The following NIT1 variants were observed in gnomAD, a reference collection of about 807,000 sequenced individuals.
NIT1 encodes the protein nitrilase 1.
Under a neutral mutation model 36.8 loss-of-function variants are expected in NIT1, and 30 were observed. That is an observed-to-expected ratio of 0.82 (90% CI 0.61 to 1.11). The LOEUF is 1.11. Among genes scored for constraint, NIT1 ranks in the 50% least tolerant of loss-of-function variants. NIT1 has a pLI of 0.00. For missense variants in NIT1, 438 were observed against 410.6 expected, an observed-to-expected ratio of 1.07 and a Z score of -0.58; for synonymous variants, 151 against 155.6, an observed-to-expected ratio of 0.97 and a Z score of 0.22.
chr1:161,121,151 C>G lies in NIT1; in HGVS notation c.*386C>G. The G allele has an allele frequency of 9.4e-7, 1 of 1,063,784 alleles. No homozygotes were observed. 65.9% of individuals were successfully genotyped at this position (1,063,784 alleles called of 1,614,324 possible). The stretch of plus-strand genomic sequence containing the variant: ...TAAGCTCCAGTTCTAGACCTCCTGG[C>G]TCATTCAACATGCCTCCCTACCTAA... On this transcript the variant is annotated 3_prime_UTR_variant, in exon 7 of 7. Coordinates refer to ENST00000368009, the MANE Select transcript of NIT1 (RefSeq NM_005600.3).
Position 161,119,167 on chromosome 1 carries a change from C to T in NIT1, c.132C>T (p.Cys44=). 6.2e-7 allele frequency: 1 copy of T among 1,614,044 alleles called. No individual in the cohort carries two copies. Among genetic ancestry groups the T allele is most frequent in the Non-Finnish European group, 8.5e-7 (1 of 1,180,008 alleles). The change falls in exon 3 of 7, where the codon TGC becomes TGT. Residue 44 remains cysteine (C), a synonymous_variant. Coordinates refer to ENST00000368009, the MANE Select transcript of NIT1 (RefSeq NM_005600.3). The stretch of plus-strand genomic sequence containing the variant: ...CCATGGCTATCTCCTCTTCCTCCTG[C>T]GAACTGCCCCTGGTGGCTGTGTGCC... ...PRAMAISSSS[C]ELPLVAVCQV...
chr1:161,119,007 C>A, intron 2 of NIT1, 126 bp downstream of exon 2: 2 of 1,375,710 alleles, frequency 1.5e-6, no homozygotes, highest in Non-Finnish European at 2.1e-6. Flanking sequence ...AGCCCTGGGT[C>A]AACGTGCCCT....
chr1:161,120,659 T>C lies in NIT1; in HGVS notation c.878T>C (p.Leu293Pro). The C allele has an allele frequency of 6.2e-7, 1 of 1,614,216 alleles. No individual in the cohort carries two copies. The highest frequency in any genetic ancestry group is 1.3e-5 in the African/African-American group (1 of 75,066). Residue 293 changes from leucine (L) to proline (P), a missense_variant, in exon 7 of 7, where the codon CTT (leucine) becomes CCT (proline). Leu to Pro is a moderately conservative substitution (Grantham distance 98). Coordinates refer to ENST00000368009, the MANE Select transcript of NIT1 (RefSeq NM_005600.3). ...ARCSEGPGLC[L>P]ARIDLNYLRQ... ...TGCTCTGAGGGGCCAGGCCTCTGCC[T>C]TGCCCGAATAGACCTCAACTATCTG...
At chr1:161,123,567 T>C (rs1206779835), downstream of NIT1, among the ~76,000 whole-genome samples, 2 of 140,406 alleles carry the variant, frequency 1.4e-5, no homozygotes, top group African/African-American at 5.4e-5. Flanking sequence ...ACCTGGGAAG[T>C]GGGGCTTGCA....
At position 161,118,692 on chromosome 1, in the gene NIT1, A is replaced by G. The variant is rs1415455151; in HGVS notation, c.3-94A>G. On this transcript the variant is annotated intron_variant, in intron 1 of 6. Coordinates refer to ENST00000368009, the MANE Select transcript of NIT1 (RefSeq NM_005600.3). Reference sequence around the variant, plus strand: ...CTAGGTTTTTACTGGCAGGGCCCTGATTCAGGCTCACAGTATAAAGAGAGA... The same window carrying G: ...CTAGGTTTTTACTGGCAGGGCCCTGGTTCAGGCTCACAGTATAAAGAGAGA... The G allele has an allele frequency of 4.8e-6, 7 of 1,460,258 alleles. No homozygotes were observed. The East Asian group carries it at 1.6e-4, about 33-fold the overall frequency. The allele number at this position is 1,460,258 out of a possible 1,614,324, so 90.5% of individuals were successfully genotyped here. A position where few individuals can be genotyped will look rare whatever the true frequency, so the allele number is the denominator to read the frequency against.
chr1:161,122,476 G>A (rs373272159), downstream of NIT1: 6 of 1,614,086 alleles, frequency 3.7e-6, no homozygotes, highest in African/African-American at 8.0e-5. This position sits in a 1 kb window ranked among gnomAD's most constrained non-coding sequence, Gnocchi z 4.2. Context: ...TTGCCCTGCA[G>A]AGCAGTCTCA....
rs1373282756 is a variant in NIT1 at position 161,118,171 on chromosome 1, A to G, written c.-6A>G. ...GGACCCTGCGAATGGTTTTGGCTAT[A>G]TCTTCATGTAGGACCTACTCCCTAT... On this transcript the variant is annotated 5_prime_UTR_variant, in exon 1 of 7. The change creates a new upstream start codon in the 5' untranslated region. Coordinates refer to ENST00000368009, the MANE Select transcript of NIT1 (RefSeq NM_005600.3). 2 of 1,613,926 alleles carry G rather than the reference A, an allele frequency of 1.2e-6. No homozygotes were observed. The highest frequency in any genetic ancestry group is 1.7e-6 in the Non-Finnish European group (2 of 1,179,942).
At chr1:161,124,754 G>A (rs922377933), downstream of NIT1, 1 of 385,284 alleles carries the variant, frequency 2.6e-6, no homozygotes, top group African/African-American at 2.1e-5. Context: ...TTGAGCCCAG[G>A]CGTTTAAGAC....
chr1:161,122,681 G>A (rs1357195342), downstream of NIT1, among the ~76,000 whole-genome samples: 1 of 152,166 alleles, frequency 6.6e-6, no homozygotes, highest in African/African-American at 2.4e-5. The surrounding 1 kb of genome is among the most constrained non-coding windows in gnomAD (Gnocchi z 4.2). Context: ...ATGTATCTCT[G>A]AAATCCTTGC....
chr1:161,121,882 A>G (rs1655531094), downstream of NIT1: 2 of 432,278 alleles, frequency 4.6e-6, no homozygotes, highest in Non-Finnish European at 8.4e-6. Flanking sequence ...CTTCCTATAC[A>G]TTTGTCTTAC....
At chr1:161,124,586 T>C, downstream of NIT1, 1 of 1,460,026 alleles carries the variant, frequency 6.8e-7, no homozygotes, top group South Asian at 1.4e-5. Context: ...TCTCATGCAT[T>C]CCCATATTCC....
chr1:161,120,895 T>C lies in NIT1; in HGVS notation c.*130T>C. 6.9e-7 allele frequency: 1 copy of C among 1,452,778 alleles called. No individual in the cohort carries two copies. Among genetic ancestry groups the C allele is most frequent in the African/African-American group, 1.4e-5 (1 of 70,566 alleles). The allele number at this position is 1,452,778 out of a possible 1,614,324, so 90.0% of individuals were successfully genotyped here. On this transcript the variant is annotated 3_prime_UTR_variant, in exon 7 of 7. Transcript: ENST00000368009. ...ACTTGGAGAACCTTGACTCTCTTGA[T>C]GGAACACAGATGGGCTGCTTGGGAA...
In NIT1 at chr1:161,119,524, G is replaced by T; in HGVS notation, c.369G>T (p.Trp123Cys). 2 of 1,614,166 alleles carry T rather than the reference G, an allele frequency of 1.2e-6. No individual in the cohort carries two copies. The change falls in exon 4 of 7, where the codon TGG becomes TGT. Residue 123 changes from tryptophan (W) to cysteine (C), a missense_variant. By Grantham distance (215) the Trp-to-Cys change is radical (BLOSUM62 -2). Transcript: ENST00000368009. The stretch of plus-strand genomic sequence containing the variant: ...TTCCCCCCAGGGAATGTGGACTCTG[G>T]CTGTCCTTGGGTGGTTTCCATGAGC... ...YTQLARECGLWLSLGGFHERG... is the reference protein window; with the variant it reads ...YTQLARECGLCLSLGGFHERG...
At chr1:161,123,000 C>T, downstream of NIT1, 1 of 1,614,168 alleles carries the variant, frequency 6.2e-7, no homozygotes, top group Non-Finnish European at 8.5e-7. The surrounding 1 kb of genome is among the most constrained non-coding windows in gnomAD (Gnocchi z 4.2). Flanking sequence ...ATAGCATAAA[C>T]TGCCCAGTGT....
chr1:161,122,932 A>C, downstream of NIT1: 1 of 1,507,954 alleles, frequency 6.6e-7, no homozygotes, highest in South Asian at 1.1e-5. This position sits in a 1 kb window ranked among gnomAD's most constrained non-coding sequence, Gnocchi z 4.2. Context: ...TTCTTCCACC[A>C]GACACCAAAC....
intron 3 of NIT1, 39 bp from the exon 4 acceptor site, chr1:161,119,470 A>C (rs530645398): frequency 6.2e-7 from 1 of 1,613,530 alleles, no homozygotes; most frequent in Non-Finnish European, 8.5e-7. Context: ...TAGAGCCTTG[A>C]GAAGTCAGTG....
At chr1:161,122,067 G>T, downstream of NIT1, 2 of 1,517,044 alleles carry the variant, frequency 1.3e-6, no homozygotes, top group South Asian at 1.2e-5. The surrounding 1 kb of genome is among the most constrained non-coding windows in gnomAD (Gnocchi z 4.2). Flanking sequence ...GGTTGGAAGG[G>T]TAGAGAACAA....
downstream of NIT1, chr1:161,122,066 G>A (rs539713146): frequency 1.5e-5 from 23 of 1,505,182 alleles, no homozygotes; most frequent in Middle Eastern, 2.5e-4. The surrounding 1 kb of genome is among the most constrained non-coding windows in gnomAD (Gnocchi z 4.2). Context: ...TGGTTGGAAG[G>A]GTAGAGAACA....
chr1:161,118,752 AG>A, intron 1 of NIT1, 33 bp from the exon 2 acceptor site: 3 of 1,534,450 alleles, frequency 2.0e-6, no homozygotes, highest in Non-Finnish European at 2.7e-6. Context: ...TGCTTGAAGA[AG>A]GGGTTGGTGT....
Sources: gnomAD v4.1 joint callset for allele counts (sites outside exome capture counted in the v4.1 genomes callset) on GRCh38, gnomAD v4.1.1 for gene constraint, Gnocchi (gnomAD v3.1) non-coding constraint, MANE v1.5 for transcripts, NCBI Gene and HGNC (gene_info 2026-07-23, HGNC 2026-07-21) for gene names.